TMEM196: variants seen among roughly 807,000 people sequenced by gnomAD.
TMEM196 encodes the protein transmembrane protein 196.
A neutral mutation model predicts 20.0 loss-of-function variants in TMEM196; 17 were observed. The ratio of observed to expected loss-of-function variants is 0.85; its 90% CI spans 0.58 to 1.27. The LOEUF is 1.27. Ranked by LOEUF, TMEM196 falls within the 50% of genes most tolerant of loss-of-function variation. The pLI, the probability that TMEM196 is intolerant of heterozygous loss-of-function variation, is 0.00. For synonymous variants in TMEM196, 113 were observed against 88.9 expected (o/e 1.27, Z -1.52); for missense variants, 267 against 223.0 (o/e 1.20, Z -1.26).
At position 19,763,338 on chromosome 7, in the gene TMEM196, A is replaced by G. The variant is rs979362901; in HGVS notation, c.147+9212T>C. Among the ~76,000 whole-genome samples the G allele has an allele frequency of 7.2e-5, 11 of 152,336 alleles. No individual in the cohort carries two copies. The South Asian group carries it at 1.0e-3, about 14-fold the overall frequency. On this transcript the variant is annotated intron_variant, in intron 1 of 4. Coordinates refer to ENST00000405844, the MANE Select transcript of TMEM196 (RefSeq NM_001363562.2). ...GATATTATTTTAATTCCTCAGAATA[A>G]TCCATATGGAAAAATAATTGGCAGG...
intron 1 of TMEM196, among the ~76,000 whole-genome samples, chr7:19,746,393 G>A (rs1248892180): frequency 2.6e-5 from 4 of 152,170 alleles, no homozygotes; most frequent in African/African-American, 9.7e-5. Flanking sequence ...CTTTTTAATT[G>A]TAATTTACCA....
At chr7:19,740,887 G>T (rs986196594) in intron 1 of TMEM196, among the ~76,000 whole-genome samples, 9 of 152,268 alleles carry the variant, frequency 5.9e-5, no homozygotes, top group African/African-American at 1.9e-4. Flanking sequence ...GAAGATTGAG[G>T]TTGAAGGCTG....
chr7:19,743,037 T>C (rs1399305319), intron 1 of TMEM196, among the ~76,000 whole-genome samples: 1 of 152,190 alleles, frequency 6.6e-6, no homozygotes, highest in Non-Finnish European at 1.5e-5. Flanking sequence ...AGGAGGTTAC[T>C]GTTGCTTTCT....
rs957530823 is a variant in TMEM196 at position 19,757,846 on chromosome 7, T to C, written c.147+14704A>G. ...CACTCCATCACTAGTAAATATGCTG[T>C]ACTCTATCCATGGTTAAAAATAAAA... On this transcript the variant is annotated intron_variant, in intron 1 of 4. Coordinates refer to ENST00000405844, the MANE Select transcript of TMEM196 (RefSeq NM_001363562.2). 8.5e-5 allele frequency among the ~76,000 whole-genome samples: 13 copies of C among 152,166 alleles called. No homozygotes were observed. The East Asian group carries it at 2.3e-3, about 27-fold the overall frequency.
chr7:19,743,336 T>A (rs1446510343), intron 1 of TMEM196, among the ~76,000 whole-genome samples: 1 of 152,286 alleles, frequency 6.6e-6, no homozygotes, highest in Non-Finnish European at 1.5e-5. Context: ...TTTTTCTGTC[T>A]TTCTCTGTTT....
chr7:19,737,067 C>T (rs1784431313), intron 1 of TMEM196, among the ~76,000 whole-genome samples: 1 of 151,794 alleles, frequency 6.6e-6, no homozygotes, highest in Non-Finnish European at 1.5e-5. Flanking sequence ...ATAAACACCA[C>T]TGTAGAAAAA....
intron 1 of TMEM196, among the ~76,000 whole-genome samples, chr7:19,740,848 G>C (rs1219467151): frequency 6.6e-6 from 1 of 152,140 alleles, no homozygotes; most frequent in Non-Finnish European, 1.5e-5. Context: ...TATAAGAATT[G>C]AGTACAGAAA....
intron 1 of TMEM196, among the ~76,000 whole-genome samples, chr7:19,737,756 G>C (rs1784459460): frequency 6.6e-6 from 1 of 151,804 alleles, no homozygotes; most frequent in Non-Finnish European, 1.5e-5. Flanking sequence ...GTTTCAGGGA[G>C]GTAAAGGGGG....
At chr7:19,724,223 G>T in intron 4 of TMEM196, 57 bp downstream of exon 4, 1 of 1,434,842 alleles carries the variant, frequency 7.0e-7, no homozygotes, top group South Asian at 1.2e-5. Context: ...TTTCTGGAAG[G>T]GGAAGTGCTT....
At chr7:19,748,542 G>C (rs1784848078) in intron 1 of TMEM196, among the ~76,000 whole-genome samples, 1 of 152,186 alleles carries the variant, frequency 6.6e-6, no homozygotes, top group South Asian at 2.1e-4. Context: ...CACAAATCCA[G>C]TCGTCTGACA....
At position 19,747,281 on chromosome 7, in the gene TMEM196, A is replaced by AAAAT. The variant is rs4001056; in HGVS notation, c.148-17844_148-17843insATTT. On this transcript the variant is annotated intron_variant, in intron 1 of 4. Coordinates refer to ENST00000405844, the MANE Select transcript of TMEM196 (RefSeq NM_001363562.2). ...AAAAAATAAATAAATAAAATAAAAT[A>AAAAT]AAAATAAAAAATAAAAATAAAAAAA... Among the ~76,000 whole-genome samples, 1,419 of 51,118 alleles carry AAAAT rather than the reference A, an allele frequency of 0.028. 34 individuals are homozygous for AAAAT. In the East Asian group the frequency reaches 0.31, roughly 11 times the overall value. The allele number at this position is 51,118 out of a possible 152,430, so 33.5% of individuals were successfully genotyped here.
chr7:19,772,885 A>C lies in TMEM196; in HGVS notation c.-189T>G. 1 of 469,790 alleles carries C rather than the reference A, an allele frequency of 2.1e-6. No individual in the cohort carries two copies. Among genetic ancestry groups the C allele is most frequent in the Non-Finnish European group, 3.5e-6 (1 of 283,738 alleles). The allele number at this position is 469,790 out of a possible 1,614,324, so 29.1% of individuals were successfully genotyped here. ...GACCTTCCCTGGCTGGGCCAGAGGC[A>C]AAGGAGCTGCTCCACCCCCTGGCAC... On this transcript the variant is annotated 5_prime_UTR_variant, in exon 1 of 5. Transcript: ENST00000405844.
chr7:19,738,264 G>A (rs1453059004), intron 1 of TMEM196, among the ~76,000 whole-genome samples: 4 of 152,082 alleles, frequency 2.6e-5, no homozygotes. Flanking sequence ...TAGAGTGAGA[G>A]TTCAGAAATA....
At chr7:19,742,736 A>G (rs996216548) in intron 1 of TMEM196, among the ~76,000 whole-genome samples, 1 of 152,106 alleles carries the variant, frequency 6.6e-6, no homozygotes, top group South Asian at 2.1e-4. Context: ...CATCCACAAT[A>G]ATTTTTCAAA....
intron 1 of TMEM196, among the ~76,000 whole-genome samples, chr7:19,747,311 A>G (rs1784795517): frequency 6.6e-6 from 1 of 151,800 alleles, no homozygotes; most frequent in Admixed American, 6.6e-5. Flanking sequence ...AAAAAAAGAA[A>G]ATCCCTATTA....
intron 1 of TMEM196, among the ~76,000 whole-genome samples, chr7:19,770,591 G>A (rs1785829802): frequency 1.3e-5 from 2 of 152,132 alleles, no homozygotes; most frequent in African/African-American, 4.8e-5. Context: ...TCAGTCAGAT[G>A]TATTGTTTGA....
chr7:19,728,771 A>G (rs1162628472), intron 2 of TMEM196, among the ~76,000 whole-genome samples: 2 of 152,248 alleles, frequency 1.3e-5, no homozygotes, highest in African/African-American at 2.4e-5. Context: ...TTCAGCATGC[A>G]GTGTGGCTCA....
At position 19,757,381 on chromosome 7, in the gene TMEM196, G is replaced by C. The variant is rs559790768; in HGVS notation, c.147+15169C>G. Among the ~76,000 whole-genome samples the C allele has an allele frequency of 4.8e-5, 7 of 144,372 alleles. No individual in the cohort carries two copies. The South Asian group carries it at 1.1e-3, about 23-fold the overall frequency. 94.7% of individuals were successfully genotyped at this position (144,372 alleles called of 152,430 possible). ...TTTTTTGTATTTTTAGTTGAGATGG[G>C]GTTTCACCAGTTGAGATGGGGTTTC... On this transcript the variant is annotated intron_variant, in intron 1 of 4. Transcript: ENST00000405844.
chr7:19,762,040 T>G (rs1785456292), intron 1 of TMEM196, among the ~76,000 whole-genome samples: 1 of 152,216 alleles, frequency 6.6e-6, no homozygotes, highest in Admixed American at 6.5e-5. Context: ...ATTTTGAGCA[T>G]GCTAAGTAAA....
Sources: gnomAD v4.1 joint callset for allele counts (sites outside exome capture counted in the v4.1 genomes callset) on GRCh38, gnomAD v4.1.1 for gene constraint, MANE v1.5 for transcripts, NCBI Gene and HGNC (gene_info 2026-07-23, HGNC 2026-07-21) for gene names.